The following MGST1 variants were observed in gnomAD, a reference collection of about 807,000 sequenced individuals.
The protein encoded by MGST1 is microsomal glutathione S-transferase 1.
Under a neutral mutation model 8.9 loss-of-function variants are expected in MGST1, and 5 were observed. The ratio of observed to expected loss-of-function variants is 0.56; its 90% CI spans 0.29 to 1.19. The LOEUF (loss-of-function observed/expected upper bound fraction) is 1.19, where lower values mean the gene tolerates loss of function less well. MGST1 is among the 50% of genes most tolerant of loss of function. The pLI is 0.08. For synonymous variants in MGST1, 54 were observed against 67.8 expected (o/e 0.80, Z 1.00); for missense variants, 182 against 187.4 (o/e 0.97, Z 0.17).
chr12:16,436,076 C>A (rs1344947731), intron 1 of MGST1, among the ~76,000 whole-genome samples: 2 of 151,766 alleles, frequency 1.3e-5, no homozygotes, highest in African/African-American at 4.8e-5. Context: ...AGCTTCTAAT[C>A]AGTGAAACTA....
Position 16,410,700 on chromosome 12 carries a change from T to C in MGST1, n.779-26688T>C, listed in dbSNP as rs1308474641. Among the ~76,000 whole-genome samples the C allele has an allele frequency of 2.0e-5, 3 of 148,166 alleles. No individual in the cohort carries two copies. Among genetic ancestry groups the C allele is most frequent in the African/African-American group, 7.3e-5 (3 of 40,822 alleles). On this transcript the variant is annotated intron_variant and non_coding_transcript_variant, in intron 1 of 1. Transcript: ENST00000359720. This position sits in a 1 kb window ranked among gnomAD's most constrained non-coding sequence, Gnocchi z 4.4. ...TATAATATAAATATATAATATAATA[T>C]ATAAATATATAATCAAATATTCAAA... is the stretch of plus-strand genomic sequence containing the variant.
chr12:16,522,145 T>C (rs1043713198), intron 4 of MGST1, among the ~76,000 whole-genome samples: 2 of 152,134 alleles, frequency 1.3e-5, no homozygotes. Flanking sequence ...CGCTCGTACA[T>C]AGGTTTTACT....
In MGST1 at chr12:16,559,875, T is replaced by C. The variant is rs1442538408; in HGVS notation, n.483-29653T>C. Among the ~76,000 whole-genome samples, 1 of 151,972 alleles carries C rather than the reference T, an allele frequency of 6.6e-6. No homozygotes were observed. Among genetic ancestry groups the C allele is most frequent in the East Asian group, 1.9e-4 (1 of 5,180 alleles). The stretch of plus-strand genomic sequence containing the variant: ...TACTCGGGAGGCTGAGGCAGGAGGA[T>C]TGCTTGAGCACAGAAGTTGAGGCTG... On this transcript the variant is annotated intron_variant and non_coding_transcript_variant, in intron 4 of 4. Transcript: ENST00000538857. The surrounding 1 kb of genome is among the most constrained non-coding windows in gnomAD (Gnocchi z 4.1).
At chr12:16,405,145 T>C (rs1332769821) in intron 1 of MGST1, among the ~76,000 whole-genome samples, 1 of 151,974 alleles carries the variant, frequency 6.6e-6, no homozygotes, top group African/African-American at 2.4e-5. Context: ...GGCAAACCAA[T>C]CTCAAAGCTA....
intron 4 of MGST1, among the ~76,000 whole-genome samples, chr12:16,554,366 T>C (rs553654387): frequency 2.0e-5 from 3 of 152,198 alleles, no homozygotes; most frequent in Non-Finnish European, 4.4e-5. Flanking sequence ...AACACTTAGC[T>C]AGGGAGCTCC....
intron 1 of MGST1, among the ~76,000 whole-genome samples, chr12:16,409,837 G>A (rs1054880454): frequency 2.0e-5 from 3 of 152,128 alleles, no homozygotes; most frequent in African/African-American, 4.8e-5. Flanking sequence ...CTTGCACCAA[G>A]TGCCTCAGGT....
downstream of MGST1, among the ~76,000 whole-genome samples, chr12:16,365,923 C>G (rs148346138): frequency 6.6e-6 from 1 of 152,222 alleles, no homozygotes; most frequent in Non-Finnish European, 1.5e-5. Flanking sequence ...TGTGAATTAT[C>G]TCAGTAATCT....
chr12:16,476,528 T>C (rs188746892), intron 4 of MGST1, among the ~76,000 whole-genome samples: 2 of 152,322 alleles, frequency 1.3e-5, no homozygotes, highest in Admixed American at 1.3e-4. Flanking sequence ...ACATGTTCCC[T>C]GCCCTCAAAG....
intron 1 of MGST1, among the ~76,000 whole-genome samples, chr12:16,349,870 G>T (rs559451947): frequency 6.6e-6 from 1 of 150,560 alleles, no homozygotes; most frequent in African/African-American, 2.4e-5. Flanking sequence ...TCAGCCTCCC[G>T]AGTAGCTGGG....
intron 1 of MGST1, among the ~76,000 whole-genome samples, chr12:16,408,797 C>G (rs1329609865): frequency 2.0e-5 from 3 of 152,096 alleles, no homozygotes; most frequent in Non-Finnish European, 4.4e-5. Flanking sequence ...TTCCTCATCT[C>G]TATTCCAAAT....
chr12:16,526,205 A>G (rs1316059498), intron 4 of MGST1, among the ~76,000 whole-genome samples: 1 of 151,720 alleles, frequency 6.6e-6, no homozygotes, highest in African/African-American at 2.4e-5. Context: ...TGTTTTAGAC[A>G]TGAAGTCCTT....
intron 1 of MGST1, among the ~76,000 whole-genome samples, chr12:16,384,240 C>A (rs1940484548): frequency 6.6e-6 from 1 of 152,122 alleles, no homozygotes; most frequent in African/African-American, 2.4e-5. Context: ...TCCTGCCCCC[C>A]AAAATGTATC....
At position 16,546,851 on chromosome 12, in the gene MGST1, A is replaced by G. The variant is rs866083464; in HGVS notation, n.483-42677A>G. ...ACCCACCCCAACCAAGCCTGCCAAAAGCAAAAAAATGTCATTTTGTGGTAC... is the reference window on the plus strand; with the variant it reads ...ACCCACCCCAACCAAGCCTGCCAAAGGCAAAAAAATGTCATTTTGTGGTAC... On this transcript the variant is annotated intron_variant and non_coding_transcript_variant, in intron 4 of 4. Transcript: ENST00000538857. This position sits in a 1 kb window ranked among gnomAD's most constrained non-coding sequence, Gnocchi z 4.7. Among the ~76,000 whole-genome samples, 1 of 151,636 alleles carries G rather than the reference A, an allele frequency of 6.6e-6. No individual in the cohort carries two copies. The highest frequency in any genetic ancestry group is 2.4e-5 in the African/African-American group (1 of 41,502).
rs1941477759 is a variant in MGST1, at chr12:16,497,378, A to C, written n.483-92150A>C. Reference sequence around the variant, plus strand: ...ACAAGCTAGGGAAGCAACAGCAGCAAATGGAAAAGGAGCAAAAAGCTCATT... The same window carrying C: ...ACAAGCTAGGGAAGCAACAGCAGCACATGGAAAAGGAGCAAAAAGCTCATT... On this transcript the variant is annotated intron_variant and non_coding_transcript_variant, in intron 4 of 4. Coordinates refer to the MGST1 transcript ENST00000538857. The surrounding 1 kb of genome is among the most constrained non-coding windows in gnomAD (Gnocchi z 4.4). Among the ~76,000 whole-genome samples the C allele has an allele frequency of 6.6e-6, 1 of 152,156 alleles. No individual in the cohort carries two copies.
rs1940757024 is a variant in MGST1, at chr12:16,413,144, G to A, written n.779-24244G>A. 6.6e-6 allele frequency among the ~76,000 whole-genome samples: 1 copy of A among 152,128 alleles called. No homozygotes were observed. The highest frequency in any genetic ancestry group is 1.5e-5 in the Non-Finnish European group (1 of 68,032). On this transcript the variant is annotated intron_variant and non_coding_transcript_variant, in intron 1 of 1. Coordinates refer to the MGST1 transcript ENST00000359720. The surrounding 1 kb of genome is among the most constrained non-coding windows in gnomAD (Gnocchi z 4.0). ...TTTAAAAGAAAGGAAGGAGAAGAGAGACCAGCAAATTAGCATCAAGAGAAC... is the reference window on the plus strand; with the variant it reads ...TTTAAAAGAAAGGAAGGAGAAGAGAAACCAGCAAATTAGCATCAAGAGAAC...
chr12:16,501,379 G>A (rs7304507), intron 4 of MGST1, among the ~76,000 whole-genome samples: 92,000 of 152,042 alleles, frequency 0.61, 30,602 homozygotes, highest in Non-Finnish European at 0.75. Flanking sequence ...ACAGATTCTC[G>A]TTACATAAAA....
chr12:16,362,603 C>A lies in MGST1; in HGVS notation c.222-1192C>A, dbSNP rs943271751. The A allele has an allele frequency of 6.6e-6, 1 of 152,078 alleles. No homozygotes were observed. The highest frequency in any genetic ancestry group is 1.5e-5 in the Non-Finnish European group (1 of 68,010). 9.4% of individuals were successfully genotyped at this position (152,078 alleles called of 1,614,324 possible). ...TCCATTTCTAGCCTAGATTCTAAAG[C>A]AATTTCTAATTCTGTAGACTTAAGG... is the stretch of plus-strand genomic sequence containing the variant. On this transcript the variant is annotated intron_variant, in intron 3 of 3. Coordinates refer to ENST00000396210, the MANE Select transcript of MGST1 (RefSeq NM_020300.5). The surrounding 1 kb of genome is among the most constrained non-coding windows in gnomAD (Gnocchi z 4.4).
At chr12:16,423,712 C>T (rs796559632) in intron 1 of MGST1, among the ~76,000 whole-genome samples, 2 of 152,218 alleles carry the variant, frequency 1.3e-5, no homozygotes, top group South Asian at 4.1e-4. Flanking sequence ...CTTCCTCATG[C>T]TTCCTTGAAT....
intron 1 of MGST1, among the ~76,000 whole-genome samples, chr12:16,406,624 A>C (rs752684954): frequency 6.6e-6 from 1 of 152,250 alleles, no homozygotes; most frequent in Non-Finnish European, 1.5e-5. Context: ...CTAAGCAAAA[A>C]GCTGGAGGCA....
Sources: gnomAD v4.1 joint callset for allele counts (sites outside exome capture counted in the v4.1 genomes callset) on GRCh38, gnomAD v4.1.1 for gene constraint, Gnocchi (gnomAD v3.1) non-coding constraint, MANE v1.5 for transcripts, NCBI Gene and HGNC (gene_info 2026-07-23, HGNC 2026-07-21) for gene names.